EYS: variants seen among roughly 807,000 people sequenced by gnomAD.
EYS encodes EGF-like photoreceptor maintenance factor, also known as protein eyes shut homolog.
In EYS, 250 loss-of-function variants were observed where a neutral mutation model predicts 282.1. The ratio of observed to expected loss-of-function variants is 0.89; its 90% CI spans 0.80 to 0.98. The LOEUF (loss-of-function observed/expected upper bound fraction) is 0.98. Ranked by LOEUF, EYS falls within the 50% of genes least tolerant of loss-of-function variation. EYS has a pLI of 0.00. For synonymous variants in EYS, 1,355 were observed against 1,282.9 expected, an observed-to-expected ratio of 1.06 and a Z score of -1.20; for missense variants, 4,016 against 3,709.0, an observed-to-expected ratio of 1.08 and a Z score of -2.15.
At chr6:65,320,158 A>ACAC (rs561910057) in intron 11 of EYS, among the ~76,000 whole-genome samples, 1 of 151,896 alleles carries the variant, frequency 6.6e-6, no homozygotes, top group African/African-American at 2.4e-5. Context: ...GGAAAAAAAA[A>ACAC]ACACACACAC....
chr6:64,483,000 C>A (rs1239975547), intron 26 of EYS, among the ~76,000 whole-genome samples: 4 of 151,588 alleles, frequency 2.6e-5, no homozygotes, highest in African/African-American at 9.7e-5. Flanking sequence ...ACAAATTTAT[C>A]AAGATCTACT....
intron 31 of EYS, among the ~76,000 whole-genome samples, chr6:64,168,388 C>A (rs1764365000): frequency 1.3e-5 from 2 of 152,170 alleles, no homozygotes; most frequent in African/African-American, 2.4e-5. Flanking sequence ...AACAGCTGGG[C>A]AAATTCTTAG....
chr6:64,607,011 G>A (rs1377128679), intron 24 of EYS, among the ~76,000 whole-genome samples: 2 of 151,716 alleles, frequency 1.3e-5, no homozygotes, highest in African/African-American at 4.8e-5. Context: ...TTTAATTAAG[G>A]GGGGAAAAGC....
At chr6:65,628,109 G>C (rs1024188768) in intron 2 of EYS, among the ~76,000 whole-genome samples, 1 of 152,110 alleles carries the variant, frequency 6.6e-6, no homozygotes, top group Non-Finnish European at 1.5e-5. Flanking sequence ...TGCACCAGTG[G>C]ACACTCTGTA....
chr6:65,373,373 C>T (rs1765234705), intron 8 of EYS, among the ~76,000 whole-genome samples: 1 of 151,938 alleles, frequency 6.6e-6, no homozygotes. Context: ...CATCAAATAC[C>T]ACATCACCTT....
At chr6:65,413,046 C>T (rs1767085378) in intron 5 of EYS, among the ~76,000 whole-genome samples, 1 of 152,074 alleles carries the variant, frequency 6.6e-6, no homozygotes. Flanking sequence ...TTCTCAATTT[C>T]CCCAGAATCC....
chr6:64,323,589 C>A (rs997093065), intron 29 of EYS, among the ~76,000 whole-genome samples: 1 of 152,076 alleles, frequency 6.6e-6, no homozygotes, highest in East Asian at 1.9e-4. Context: ...TCATGTTTCC[C>A]GACTATACTG....
At chr6:63,984,264 A>G (rs1196635719) in intron 35 of EYS, 119 bp downstream of exon 35, 1 of 703,696 alleles carries the variant, frequency 1.4e-6, no homozygotes, top group Non-Finnish European at 2.4e-6. Context: ...TGCATAGAAA[A>G]ACTTGAGAAT....
intron 29 of EYS, among the ~76,000 whole-genome samples, chr6:64,362,609 A>G (rs1300099673): frequency 3.3e-5 from 5 of 151,846 alleles, no homozygotes; most frequent in Admixed American, 3.3e-4. Context: ...TATATTCAAC[A>G]AATTACAGAA....
intron 2 of EYS, among the ~76,000 whole-genome samples, chr6:65,542,637 A>C (rs1355026092): frequency 6.6e-6 from 1 of 152,132 alleles, no homozygotes; most frequent in African/African-American, 2.4e-5. Flanking sequence ...TTATGCTTGA[A>C]GATTAAAAGC....
intron 22 of EYS, among the ~76,000 whole-genome samples, chr6:64,696,033 G>C (rs533098060): frequency 1.8e-4 from 27 of 151,996 alleles, no homozygotes; most frequent in African/African-American, 6.5e-4. Context: ...CAAAATGCCA[G>C]ATAAAAAATT....
chr6:65,550,069 T>C (rs1768547597), intron 2 of EYS, among the ~76,000 whole-genome samples: 1 of 151,792 alleles, frequency 6.6e-6, no homozygotes, highest in Non-Finnish European at 1.5e-5. Flanking sequence ...CCATTATTTT[T>C]CACTGAGCCC....
chr6:63,764,666 G>C (rs923140936), intron 40 of EYS, among the ~76,000 whole-genome samples: 1 of 151,810 alleles, frequency 6.6e-6, no homozygotes, highest in African/African-American at 2.4e-5. Flanking sequence ...ATATAGCATA[G>C]TGTTATGGGA....
intron 19 of EYS, among the ~76,000 whole-genome samples, chr6:64,874,444 G>T (rs1319014463): frequency 6.6e-6 from 1 of 152,038 alleles, no homozygotes; most frequent in East Asian, 1.9e-4. Flanking sequence ...AAAGTATGCA[G>T]TATGCTCCAT....
At chr6:64,488,754 A>G (rs1776647960) in intron 26 of EYS, among the ~76,000 whole-genome samples, 1 of 151,056 alleles carries the variant, frequency 6.6e-6, no homozygotes, top group Admixed American at 6.6e-5. Context: ...ATAGCATGCT[A>G]AAGTTACAAG....
chr6:64,242,108 T>G (rs1336742949), intron 30 of EYS, among the ~76,000 whole-genome samples: 1 of 152,108 alleles, frequency 6.6e-6, no homozygotes. Context: ...TGAGAATAAG[T>G]GCGATGTGGT....
intron 22 of EYS, among the ~76,000 whole-genome samples, chr6:64,653,796 C>T (rs1285128152): frequency 6.6e-6 from 1 of 150,498 alleles, no homozygotes; most frequent in African/African-American, 2.5e-5. Flanking sequence ...AACTCCTAGG[C>T]TTAAGTGATC....
chr6:64,707,642 G>A (rs1371827318), intron 22 of EYS, among the ~76,000 whole-genome samples: 1 of 145,684 alleles, frequency 6.9e-6, no homozygotes, highest in Non-Finnish European at 1.5e-5. Context: ...TCCAGCCGGG[G>A]CGACAGAGTG....
At chr6:64,623,002 A>G (rs1171247320) in intron 23 of EYS, among the ~76,000 whole-genome samples, 1 of 152,184 alleles carries the variant, frequency 6.6e-6, no homozygotes, top group Non-Finnish European at 1.5e-5. Context: ...AATCTTTTAA[A>G]GAGAAAAACA....
Sources: allele counts gnomAD v4.1 joint callset (sites outside exome capture counted in the v4.1 genomes callset), GRCh38; gene constraint gnomAD v4.1.1; transcripts MANE v1.5; gene names NCBI Gene and HGNC (gene_info 2026-07-23, HGNC 2026-07-21).